Variants in TMEM232 observed in about 807,000 individuals in gnomAD.
The protein encoded by TMEM232 is transmembrane protein 232.
A neutral mutation model predicts 78.8 loss-of-function variants in TMEM232; 80 were observed. The ratio of observed to expected loss-of-function variants is 1.01; its 90% confidence interval spans 0.85 to 1.22. The LOEUF (loss-of-function observed/expected upper bound fraction) is 1.22, where lower values mean the gene tolerates loss of function less well. TMEM232 is among the 50% of genes most tolerant of loss of function. The probability of loss-of-function intolerance (pLI) is 0.00; values close to 1 mark genes in which losing one functional copy is unlikely to be tolerated. For synonymous variants in TMEM232, 297 were observed against 254.3 expected (o/e 1.17, Z -1.60); for missense variants, 881 against 742.2 (o/e 1.19, Z -2.17).
chr5:110,540,087 T>C (rs1390350526), intron 11 of TMEM232, among the ~76,000 whole-genome samples: 1 of 152,196 alleles, frequency 6.6e-6, no homozygotes, highest in Non-Finnish European at 1.5e-5. Flanking sequence ...AAGTTAAAAA[T>C]AGGCTCTCAC....
At chr5:110,570,396 T>A (rs561518454) in intron 10 of TMEM232, among the ~76,000 whole-genome samples, 1 of 151,982 alleles carries the variant, frequency 6.6e-6, no homozygotes, top group Non-Finnish European at 1.5e-5. Flanking sequence ...GAGAAAAAGA[T>A]AATCTGTATC....
upstream of TMEM232, among the ~76,000 whole-genome samples, chr5:110,731,357 C>T (rs568237157): frequency 6.6e-6 from 1 of 152,322 alleles, no homozygotes; most frequent in South Asian, 2.1e-4. Context: ...CTCATAGCTC[C>T]AATAGTCAGT....
intron 2 of TMEM232, 44 bp from the exon 3 acceptor site, chr5:110,642,415 T>A: frequency 7.4e-7 from 1 of 1,358,588 alleles, no homozygotes; most frequent in Non-Finnish European, 9.8e-7. Context: ...AGTATAGCTA[T>A]CACTTCCAAA....
At chr5:110,668,093 T>C (rs111454596) in intron 1 of TMEM232, among the ~76,000 whole-genome samples, 10 of 152,070 alleles carry the variant, frequency 6.6e-5, no homozygotes, top group Non-Finnish European at 1.2e-4. Flanking sequence ...AATTTAAAAA[T>C]TGATCATTAG....
chr5:110,425,812 C>G (rs1040859450), intron 12 of TMEM232, among the ~76,000 whole-genome samples: 7 of 152,068 alleles, frequency 4.6e-5, no homozygotes, highest in Non-Finnish European at 1.0e-4. Flanking sequence ...CCACTTTACT[C>G]TTGTCTCTAT....
intron 2 of TMEM232, among the ~76,000 whole-genome samples, chr5:110,404,048 C>T (rs1580561698): frequency 6.6e-6 from 1 of 151,934 alleles, no homozygotes; most frequent in East Asian, 1.9e-4. Flanking sequence ...ACCTTTCTCT[C>T]TTCACTCCTC....
chr5:110,524,848 A>G (rs1352379092), intron 12 of TMEM232, among the ~76,000 whole-genome samples: 1 of 152,054 alleles, frequency 6.6e-6, no homozygotes, highest in Non-Finnish European at 1.5e-5. Flanking sequence ...TATATTTATA[A>G]TTGTTATATC....
intron 11 of TMEM232, among the ~76,000 whole-genome samples, chr5:110,542,139 C>G (rs1773213481): frequency 6.6e-6 from 1 of 152,228 alleles, no homozygotes; most frequent in Non-Finnish European, 1.5e-5. Context: ...TGTGAAAGAC[C>G]CGAAGTTCCT....
At chr5:110,520,050 T>TATATAGAG (rs374219408) in intron 12 of TMEM232, among the ~76,000 whole-genome samples, 3,434 of 147,166 alleles carry the variant, frequency 0.023, 41 homozygotes, top group South Asian at 0.052. Context: ...TATATATATA[T>TATATAGAG]AGAGAGAGAG....
intron 11 of TMEM232, among the ~76,000 whole-genome samples, chr5:110,533,402 C>A (rs985529464): frequency 1.3e-5 from 2 of 152,194 alleles, no homozygotes; most frequent in Non-Finnish European, 2.9e-5. Flanking sequence ...AGAATTCCTA[C>A]ACAAGAGCCA....
At chr5:110,713,394 A>G (rs960972284) in intron 1 of TMEM232, among the ~76,000 whole-genome samples, 6 of 152,298 alleles carry the variant, frequency 3.9e-5, no homozygotes, top group Middle Eastern at 3.4e-3. Flanking sequence ...AAAAATAACT[A>G]AAGGAGTATA....
chr5:110,479,816 A>G (rs2149393030), intron 12 of TMEM232, among the ~76,000 whole-genome samples: 1 of 151,990 alleles, frequency 6.6e-6, no homozygotes, highest in South Asian at 2.1e-4. Flanking sequence ...CATGTAGTCA[A>G]TTGATGTATC....
intron 8 of TMEM232, chr5:110,610,468 G>C (rs1168362273): frequency 2.5e-6 from 1 of 394,462 alleles, no homozygotes. Flanking sequence ...CAGAAGTTGG[G>C]AACACATATG....
At chr5:110,661,354 C>T (rs2150104501) in intron 2 of TMEM232, among the ~76,000 whole-genome samples, 1 of 152,222 alleles carries the variant, frequency 6.6e-6, no homozygotes, top group East Asian at 1.9e-4. Flanking sequence ...CTCTGTGGCC[C>T]AGGCTGAAGT....
intron 12 of TMEM232, among the ~76,000 whole-genome samples, chr5:110,458,910 T>A (rs370655290): frequency 6.6e-6 from 1 of 152,196 alleles, no homozygotes; most frequent in East Asian, 1.9e-4. Context: ...GCACTTAATA[T>A]CCAACATTAT....
intron 8 of TMEM232, among the ~76,000 whole-genome samples, chr5:110,617,539 T>C (rs1783095893): frequency 6.6e-6 from 1 of 152,154 alleles, no homozygotes; most frequent in Non-Finnish European, 1.5e-5. Flanking sequence ...CATAAATATA[T>C]ACAATTATTA....
At chr5:110,708,561 T>C (rs951164411) in intron 1 of TMEM232, among the ~76,000 whole-genome samples, 4 of 148,636 alleles carry the variant, frequency 2.7e-5, no homozygotes, top group African/African-American at 7.4e-5. Flanking sequence ...TAGTAAGACA[T>C]AAAGTTAAAA....
At chr5:110,598,886 A>G (rs894080703) in intron 10 of TMEM232, among the ~76,000 whole-genome samples, 5 of 147,484 alleles carry the variant, frequency 3.4e-5, no homozygotes, top group African/African-American at 1.2e-4. Flanking sequence ...GGGGAGGGAT[A>G]GCATTAGGAG....
chr5:110,610,381 T>C (rs987258173), intron 8 of TMEM232: 3 of 185,086 alleles, frequency 1.6e-5, no homozygotes, highest in East Asian at 1.5e-4. Context: ...CAAGTATTCA[T>C]GAGAAATACA....
Sources: allele counts gnomAD v4.1 joint callset (sites outside exome capture counted in the v4.1 genomes callset), GRCh38; gene constraint gnomAD v4.1.1; transcripts MANE v1.5; gene names NCBI Gene and HGNC (gene_info 2026-07-23, HGNC 2026-07-21).